Variants in LRRC9 observed in about 807,000 individuals in gnomAD.
LRRC9 encodes leucine rich repeat containing 9, also known as leucine-rich repeat-containing protein 9.
LRRC9 carries 122 observed loss-of-function variants against 63.2 expected under a neutral mutation model. The ratio of observed to expected loss-of-function variants is 1.93; its 90% CI spans 1.67 to 2.24. The LOEUF is 2.24. LRRC9 is among the 30% of genes most tolerant of loss of function. LRRC9 has a pLI of 0.00. For missense variants in LRRC9, 1,071 were observed against 627.7 expected, an observed-to-expected ratio of 1.71 and a Z score of -7.55; for synonymous variants, 366 against 213.1, an observed-to-expected ratio of 1.72 and a Z score of -6.25.
Position 60,053,795 on chromosome 14 carries a change from C to A in LRRC9, c.4131+590C>A, listed in dbSNP as rs1894072906. 2.6e-6 allele frequency: 1 copy of A among 378,924 alleles called. No individual in the cohort carries two copies. Among genetic ancestry groups the A allele is most frequent in the South Asian group, 2.0e-5 (1 of 49,836 alleles). 23.5% of individuals were successfully genotyped at this position (378,924 alleles called of 1,614,324 possible). On this transcript the variant is annotated intron_variant, in intron 30 of 31. Coordinates refer to ENST00000445360, the Ensembl canonical transcript of LRRC9. This position sits in a 1 kb window ranked among gnomAD's most constrained non-coding sequence, Gnocchi z 4.8. ...AATAAAAGCATGTCATTTGAAAATT[C>A]TGTCTTTGACCACCTAGTTTCTTCA...
chr14:59,957,282 T>C (rs1019027094), intron 8 of LRRC9, among the ~76,000 whole-genome samples: 2 of 152,194 alleles, frequency 1.3e-5, no homozygotes, highest in Non-Finnish European at 2.9e-5. Context: ...AGAGATTTGG[T>C]ATTTTCACAT....
At chr14:59,976,469 A>G (rs1375272963) in intron 13 of LRRC9, among the ~76,000 whole-genome samples, 1 of 152,152 alleles carries the variant, frequency 6.6e-6, no homozygotes, top group Non-Finnish European at 1.5e-5. Flanking sequence ...GAACTAAACG[A>G]TACGTGTTTT....
chr14:59,995,870 G>A (rs1302684287), intron 17 of LRRC9, among the ~76,000 whole-genome samples: 1 of 152,120 alleles, frequency 6.6e-6, no homozygotes, highest in Non-Finnish European at 1.5e-5. Context: ...AGCCTCCGGA[G>A]TATCTGGGAC....
In LRRC9 at chr14:60,031,213, A is replaced by C. The variant is rs1378965741; in HGVS notation, c.3922-782A>C. On this transcript the variant is annotated intron_variant, in intron 28 of 31. Coordinates refer to ENST00000445360, the Ensembl canonical transcript of LRRC9. This position sits in a 1 kb window ranked among gnomAD's most constrained non-coding sequence, Gnocchi z 4.6. ...AAAATTAAAATAGTAAAGATCAGTC[A>C]TTTTAAAAATCAAATTCACTTCCAC... Among the ~76,000 whole-genome samples the C allele has an allele frequency of 6.6e-6, 1 of 152,116 alleles. No individual in the cohort carries two copies. Among genetic ancestry groups the C allele is most frequent in the African/African-American group, 2.4e-5 (1 of 41,470 alleles).
Position 60,042,379 on chromosome 14 carries a change from G to A in LRRC9, c.3990+10316G>A, listed in dbSNP as rs1053040589. Among the ~76,000 whole-genome samples, 7 of 152,198 alleles carry A rather than the reference G, an allele frequency of 4.6e-5. No homozygotes were observed. The highest frequency in any genetic ancestry group is 3.3e-4 in the Admixed American group (5 of 15,278). ...TCTACAGAGGCAGGCAGGCCTCCTT[G>A]AGCTGTGGTGGGCTCCACTGAGTTC... On this transcript the variant is annotated intron_variant, in intron 29 of 31. Transcript: ENST00000445360. This position sits in a 1 kb window ranked among gnomAD's most constrained non-coding sequence, Gnocchi z 4.2.
rs1893025481 is a variant in LRRC9, at chr14:60,042,352, A to T, written c.3990+10289A>T. 6.6e-6 allele frequency among the ~76,000 whole-genome samples: 1 copy of T among 152,176 alleles called. No homozygotes were observed. Among genetic ancestry groups the T allele is most frequent in the Non-Finnish European group, 1.5e-5 (1 of 68,038 alleles). On this transcript the variant is annotated intron_variant, in intron 29 of 31. Transcript: ENST00000445360. This position sits in a 1 kb window ranked among gnomAD's most constrained non-coding sequence, Gnocchi z 4.2. The stretch of plus-strand genomic sequence containing the variant: ...AGCTATGCCCTGCCCCCAGAGGTGG[A>T]GTCTACAGAGGCAGGCAGGCCTCCT...
At chr14:59,956,441 A>G (rs1470461467) in intron 8 of LRRC9, among the ~76,000 whole-genome samples, 5 of 152,128 alleles carry the variant, frequency 3.3e-5, no homozygotes, top group Non-Finnish European at 5.9e-5. Flanking sequence ...CTCTTTTATC[A>G]GAGACTAGGA....
chr14:60,013,114 C>G (rs1179619479), intron 23 of LRRC9, among the ~76,000 whole-genome samples: 3 of 141,138 alleles, frequency 2.1e-5, no homozygotes, highest in African/African-American at 7.9e-5. Context: ...CCCCCCTCCC[C>G]CAAGGCTTAA....
rs867019198 is a variant in LRRC9 at position 59,958,307 on chromosome 14, C to A, written c.883-1511C>A. Among the ~76,000 whole-genome samples the A allele has an allele frequency of 6.6e-5, 10 of 152,234 alleles. No homozygotes were observed. In the South Asian group the frequency reaches 2.1e-3, roughly 32 times the overall value. On this transcript the variant is annotated intron_variant, in intron 8 of 31. Coordinates refer to ENST00000445360, the Ensembl canonical transcript of LRRC9. The surrounding 1 kb of genome is among the most constrained non-coding windows in gnomAD (Gnocchi z 4.0). ...GGGGTTTTTGTGTGTAAACCCCTTA[C>A]TGGGGCTGTTACCTTTCCTTGAGAG...
chr14:59,953,476 C>T (rs539765839), intron 8 of LRRC9, among the ~76,000 whole-genome samples: 38 of 152,132 alleles, frequency 2.5e-4, no homozygotes, highest in Admixed American at 5.9e-4. Context: ...AGTGTCTGTT[C>T]GTATCCTTCT....
intron 31 of LRRC9, among the ~76,000 whole-genome samples, chr14:60,061,181 C>T (rs1894634717): frequency 6.6e-6 from 1 of 152,214 alleles, no homozygotes; most frequent in Non-Finnish European, 1.5e-5. Context: ...AGAGGACTGA[C>T]TCCAATTTTG....
intron 8 of LRRC9, among the ~76,000 whole-genome samples, chr14:59,947,189 G>A (rs1247304899): frequency 1.3e-5 from 2 of 151,416 alleles, no homozygotes; most frequent in Non-Finnish European, 3.0e-5. Context: ...ACTTTTTAAT[G>A]ATCACCATTC....
At chr14:60,045,518 T>C (rs1893344210) in intron 29 of LRRC9, among the ~76,000 whole-genome samples, 1 of 152,170 alleles carries the variant, frequency 6.6e-6, no homozygotes, top group Admixed American at 6.5e-5. Flanking sequence ...AATGAAAACA[T>C]GTGGTGTTTG....
chr14:60,016,869 TA>T, intron 24 of LRRC9, 79 bp downstream of exon 24: 1 of 556,138 alleles, frequency 1.8e-6, no homozygotes, highest in South Asian at 2.6e-5. Context: ...AGCTTACATT[TA>T]TACAACTTAC....
rs1893039700 is a variant in LRRC9 at position 60,042,509 on chromosome 14, G to A, written c.3990+10446G>A. On this transcript the variant is annotated intron_variant, in intron 29 of 31. Transcript: ENST00000445360. The surrounding 1 kb of genome is among the most constrained non-coding windows in gnomAD (Gnocchi z 4.2). ...CAGTTCGATCTCAGACTGCTGTGCT[G>A]GCAGTGAGTGAGGCTCCGTGGGCAT... Among the ~76,000 whole-genome samples, 1 of 152,198 alleles carries A rather than the reference G, an allele frequency of 6.6e-6. No homozygotes were observed. The highest frequency in any genetic ancestry group is 2.4e-5 in the African/African-American group (1 of 41,448).
At chr14:59,943,812 A>G (rs1182575943) in intron 7 of LRRC9, among the ~76,000 whole-genome samples, 1 of 152,072 alleles carries the variant, frequency 6.6e-6, no homozygotes, top group African/African-American at 2.4e-5. Flanking sequence ...TTCATAAGAA[A>G]AGACTGCATC....
intron 8 of LRRC9, among the ~76,000 whole-genome samples, chr14:59,954,356 T>C (rs1883502423): frequency 6.6e-6 from 1 of 152,218 alleles, no homozygotes; most frequent in South Asian, 2.1e-4. Flanking sequence ...TGGTTTGTAG[T>C]TCTTGAAGAG....
At chr14:60,006,520 T>A (rs1429230086) in exon 22 of LRRC9, 1 of 701,874 alleles carries the variant, frequency 1.4e-6, no homozygotes, top group African/African-American at 1.7e-5. Context: ...AACAACAGAA[T>A]CACTTCATTG....
At chr14:60,059,779 A>G (rs769089300) in intron 31 of LRRC9, among the ~76,000 whole-genome samples, 5 of 152,220 alleles carry the variant, frequency 3.3e-5, no homozygotes, top group Non-Finnish European at 5.9e-5. Context: ...ATCACGAACT[A>G]TTATATCAGG....
Sources: gnomAD v4.1 joint callset for allele counts (sites outside exome capture counted in the v4.1 genomes callset) on GRCh38, gnomAD v4.1.1 for gene constraint, Gnocchi (gnomAD v3.1) non-coding constraint, MANE v1.5 for transcripts, NCBI Gene and HGNC (gene_info 2026-07-23, HGNC 2026-07-21) for gene names.